CIT: variants seen among roughly 807,000 people sequenced by gnomAD.
CIT encodes citron Rho-interacting kinase.
CIT carries 79 observed loss-of-function variants against 272.7 expected under a neutral mutation model. The ratio of observed to expected loss-of-function variants is 0.29; its 90% CI spans 0.24 to 0.35. The LOEUF is 0.35. Ranked by LOEUF, CIT falls within the 10% of genes least tolerant of loss-of-function variation. The probability of loss-of-function intolerance (pLI) is 1.00; values close to 1 mark genes in which losing one functional copy is unlikely to be tolerated. For missense variants in CIT, 1,909 were observed against 2,618.3 expected (o/e 0.73, Z 5.91); for synonymous variants, 948 against 995.6 (o/e 0.95, Z 0.90).
chr12:119,704,526 A>C, intron 40 of CIT, 71 bp from the exon 41 acceptor site: 4 of 1,351,170 alleles, frequency 3.0e-6, no homozygotes, highest in Non-Finnish European at 4.2e-6. Flanking sequence ...AACTAGGAAA[A>C]GCTCTCAGGC....
chr12:119,870,052 C>T (rs949038244), intron 2 of CIT, among the ~76,000 whole-genome samples: 5 of 152,288 alleles, frequency 3.3e-5, no homozygotes, highest in East Asian at 3.9e-4. Context: ...GTGATTCCCA[C>T]GTGCCAAGCC....
chr12:119,690,501 G>C lies in CIT; in HGVS notation c.5883-47C>G. The C allele has an allele frequency of 6.7e-7, 1 of 1,501,718 alleles. No homozygotes were observed. The highest frequency in any genetic ancestry group is 2.5e-5 in the East Asian group (1 of 40,212). The allele number at this position is 1,501,718 out of a possible 1,614,324, so 93.0% of individuals were successfully genotyped here. A position where few individuals can be genotyped will look rare whatever the true frequency, so the allele number is the denominator to read the frequency against. ...AGGGAGCTGCGAGGCCACAACCCCA[G>C]AGGGGCATTTTCCTTCTTACCTGAG... On this transcript the variant is annotated intron_variant, in intron 46 of 47. Transcript: ENST00000392521. This position sits in a 1 kb window ranked among gnomAD's most constrained non-coding sequence, Gnocchi z 6.0.
chr12:119,867,667 C>A (rs753707116), intron 3 of CIT, among the ~76,000 whole-genome samples: 1 of 152,150 alleles, frequency 6.6e-6, no homozygotes, highest in Non-Finnish European at 1.5e-5. Context: ...CACCCATTAA[C>A]TGACAGTAGG....
chr12:119,735,713 C>A (rs944792084), intron 24 of CIT, among the ~76,000 whole-genome samples: 2 of 152,174 alleles, frequency 1.3e-5, no homozygotes, highest in African/African-American at 2.4e-5. Context: ...AGACTGGTAT[C>A]ACCATCCACT....
intron 19 of CIT, among the ~76,000 whole-genome samples, chr12:119,764,768 A>C (rs1392441586): frequency 6.6e-5 from 10 of 152,150 alleles, no homozygotes; most frequent in Admixed American, 6.5e-4. Context: ...AAAAAGGCTA[A>C]ATTGGAGCTG....
Position 119,712,766 on chromosome 12 carries a change from C to CGAGAGAGACAGCAAGGGA in CIT, c.4580-89_4580-72dup. The CGAGAGAGACAGCAAGGGA allele has an allele frequency of 7.9e-7, 1 of 1,273,478 alleles. No individual in the cohort carries two copies. Among genetic ancestry groups the CGAGAGAGACAGCAAGGGA allele is most frequent in the South Asian group, 1.2e-5 (1 of 80,984 alleles). The allele number at this position is 1,273,478 out of a possible 1,614,324, so 78.9% of individuals were successfully genotyped here. On this transcript the variant is annotated intron_variant, in intron 35 of 47. Transcript: ENST00000392521. This position sits in a 1 kb window ranked among gnomAD's most constrained non-coding sequence, Gnocchi z 5.2. ...ACAAGAACAAGGGGAGAAGAGAGAG[C>CGAGAGAGACAGCAAGGGA]GAGAGAGACAGCAAGGGAGAGAGAG...
chr12:119,867,699 C>T (rs895697665), intron 3 of CIT, among the ~76,000 whole-genome samples: 5 of 152,142 alleles, frequency 3.3e-5, no homozygotes, highest in African/African-American at 1.2e-4. Flanking sequence ...CAAACTCACA[C>T]ACCACCACCC....
intron 27 of CIT, 138 bp downstream of exon 27, chr12:119,730,357 T>A (rs1958369697): frequency 2.5e-4 from 200 of 786,196 alleles, no homozygotes; most frequent in East Asian, 6.8e-4. Context: ...GGCAAAACCA[T>A]GGGACATTTT....
intron 12 of CIT, 23 bp downstream of exon 12, chr12:119,783,885 A>AG (rs1395629403): frequency 6.5e-7 from 1 of 1,548,790 alleles, no homozygotes; most frequent in Non-Finnish European, 8.7e-7. Context: ...CTCCAAGGGA[A>AG]GGGGGCTTCA....
At chr12:119,832,702 C>A in intron 7 of CIT, 69 bp downstream of exon 7, 1 of 1,330,914 alleles carries the variant, frequency 7.5e-7, no homozygotes, top group Non-Finnish European at 1.1e-6. Flanking sequence ...CCAACACTTC[C>A]CAAACTTAGG....
chr12:119,804,130 G>T lies in CIT; in HGVS notation c.1112-741C>A. 1 of 979,844 alleles carries T rather than the reference G, an allele frequency of 1.0e-6. No homozygotes were observed. Among genetic ancestry groups the T allele is most frequent in the Non-Finnish European group, 1.2e-6 (1 of 824,876 alleles). The allele number at this position is 979,844 out of a possible 1,614,324, so 60.7% of individuals were successfully genotyped here. A position where few individuals can be genotyped will look rare whatever the true frequency, so the allele number is the denominator to read the frequency against. ...TACAGCACCCCTGCGCGCTGACGGT[G>T]GGAATGCACGGATGGACATATGCGG... On this transcript the variant is annotated intron_variant, in intron 9 of 47. Coordinates refer to ENST00000392521, the MANE Select transcript of CIT (RefSeq NM_001206999.2). This position sits in a 1 kb window ranked among gnomAD's most constrained non-coding sequence, Gnocchi z 5.3.
intron 24 of CIT, among the ~76,000 whole-genome samples, chr12:119,741,154 T>TAA (rs55710729): frequency 1.2e-4 from 16 of 138,960 alleles, no homozygotes; most frequent in East Asian, 4.4e-4. Flanking sequence ...CACACAGTGA[T>TAA]AAAAAAAAAA....
chr12:119,758,843 TCA>T (rs1420179008), intron 20 of CIT, 143 bp from the exon 21 acceptor site: 1 of 648,832 alleles, frequency 1.5e-6, no homozygotes, highest in African/African-American at 1.8e-5. Flanking sequence ...ACTCTGAGGA[TCA>T]CAGATGGTAC....
rs1967843426 is a variant in CIT, at chr12:119,822,950, G to A, written c.981C>T (p.Asp327=). The A allele has an allele frequency of 1.2e-6, 2 of 1,609,702 alleles. No homozygotes were observed. The highest frequency in any genetic ancestry group is 1.3e-5 in the African/African-American group (1 of 74,574). The part of the protein sequence containing the change: ...NFQRFLKFPD[D]PKVSSDFLDL... ...CAAGAAAGTCACTGCTCACTTTGGGGTCATCTGGAAATTTCAAAAACCGCT... is the reference window on the plus strand; with the variant it reads ...CAAGAAAGTCACTGCTCACTTTGGGATCATCTGGAAATTTCAAAAACCGCT... Residue 327 remains aspartate (D), a synonymous_variant, in exon 9 of 48, where the codon GAC becomes GAT. Coordinates refer to ENST00000392521, the MANE Select transcript of CIT (RefSeq NM_001206999.2).
Position 119,690,479 on chromosome 12 carries a change from G to A in CIT, c.5883-25C>T. 1 of 1,545,918 alleles carries A rather than the reference G, an allele frequency of 6.5e-7. No homozygotes were observed. On this transcript the variant is annotated intron_variant, in intron 46 of 47. Coordinates refer to ENST00000392521, the MANE Select transcript of CIT (RefSeq NM_001206999.2). The surrounding 1 kb of genome is among the most constrained non-coding windows in gnomAD (Gnocchi z 6.0). ...GCTGGCGACACAAGAGGAACGTAGG[G>A]AGCTGCGAGGCCACAACCCCAGAGG...
At chr12:119,708,774 C>T (rs539098089) in intron 39 of CIT, among the ~76,000 whole-genome samples, 51 of 152,292 alleles carry the variant, frequency 3.3e-4, no homozygotes, top group African/African-American at 1.2e-3. Flanking sequence ...AGGCGTGAGC[C>T]ACCACGCCCG....
chr12:119,770,696 T>C lies in CIT; in HGVS notation c.2208+89A>G, dbSNP rs895566139. 2.9e-5 allele frequency: 43 copies of C among 1,461,808 alleles called. No homozygotes were observed. In the Admixed American group the frequency reaches 7.4e-4, roughly 25 times the overall value. The allele number at this position is 1,461,808 out of a possible 1,614,324, so 90.6% of individuals were successfully genotyped here. On this transcript the variant is annotated intron_variant, in intron 18 of 47. Transcript: ENST00000392521. This position sits in a 1 kb window ranked among gnomAD's most constrained non-coding sequence, Gnocchi z 4.4. The stretch of plus-strand genomic sequence containing the variant: ...CATCTACTTGGAGATACCTCCCTTA[T>C]TGTGGCGGTTAATTCTTCTTCTTAC...
chr12:119,763,117 G>T (rs1962018528), intron 19 of CIT, among the ~76,000 whole-genome samples: 1 of 152,130 alleles, frequency 6.6e-6, no homozygotes, highest in Non-Finnish European at 1.5e-5. Flanking sequence ...CTGGCAGAAA[G>T]ATAAACAAGA....
chr12:119,815,532 C>A (rs1967097386), intron 9 of CIT, among the ~76,000 whole-genome samples: 1 of 151,978 alleles, frequency 6.6e-6, no homozygotes, highest in Admixed American at 6.6e-5. Context: ...CATGGAGAAA[C>A]CCCATCTCTA....
Sources: allele counts gnomAD v4.1 joint callset (sites outside exome capture counted in the v4.1 genomes callset), GRCh38; gene constraint gnomAD v4.1.1; non-coding constraint Gnocchi (gnomAD v3.1); transcripts MANE v1.5; gene names NCBI Gene and HGNC (gene_info 2026-07-23, HGNC 2026-07-21).